MAPK8IP3: variants seen among roughly 807,000 people sequenced by gnomAD.
MAPK8IP3 encodes the protein mitogen-activated protein kinase 8 interacting protein 3.
Under a neutral mutation model 157.8 loss-of-function variants are expected in MAPK8IP3, and 49 were observed. The ratio of observed to expected loss-of-function variants is 0.31; its 90% confidence interval spans 0.25 to 0.39. MAPK8IP3 has a LOEUF of 0.39. MAPK8IP3 is among the 10% of genes least tolerant of loss of function. The probability of loss-of-function intolerance (pLI) is 1.00; values close to 1 mark genes in which losing one functional copy is unlikely to be tolerated. For missense variants in MAPK8IP3, 1,478 were observed against 1,889.4 expected (o/e 0.78, Z 4.04); for synonymous variants, 897 against 777.7 (o/e 1.15, Z -2.55).
chr16:1,743,183 G>C lies in MAPK8IP3; in HGVS notation c.603-149G>C. On this transcript the variant is annotated intron_variant, in intron 4 of 31. Transcript: ENST00000610761. The surrounding 1 kb of genome is among the most constrained non-coding windows in gnomAD (Gnocchi z 5.6). ...ATCATGGGAGGGGAAGCGCCACGTA[G>C]GATCATAACTGAGTAGCTGCTCGAG... is the stretch of plus-strand genomic sequence containing the variant. 9.8e-7 allele frequency: 1 copy of C among 1,016,048 alleles called. No individual in the cohort carries two copies. The allele number at this position is 1,016,048 out of a possible 1,614,324, so 62.9% of individuals were successfully genotyped here.
intron 7 of MAPK8IP3, 72 bp from the exon 8 acceptor site, chr16:1,748,528 AAG>A: frequency 7.7e-7 from 1 of 1,303,544 alleles, no homozygotes; most frequent in Non-Finnish European, 1.1e-6. Flanking sequence ...GAGGTGTTGG[AAG>A]AGTCTGCAGA....
At chr16:1,767,563 G>T, downstream of MAPK8IP3, 1 of 1,611,278 alleles carries the variant, frequency 6.2e-7, no homozygotes, top group Non-Finnish European at 8.5e-7. Context: ...TGACTCCACA[G>T]AAGTCATTTG....
intron 4 of MAPK8IP3, chr16:1,735,032 G>A (rs1408011490): frequency 3.9e-5 from 6 of 154,094 alleles, no homozygotes; most frequent in Middle Eastern, 1.3e-3. Context: ...TGAGACATTC[G>A]CGCAGTGCAC....
chr16:1,735,419 G>A (rs557059763), intron 4 of MAPK8IP3, among the ~76,000 whole-genome samples: 21 of 147,842 alleles, frequency 1.4e-4, no homozygotes, highest in South Asian at 4.4e-4. Flanking sequence ...GTGAGCGTCC[G>A]TGTGACCATC....
chr16:1,717,550 C>A (rs375801509), intron 1 of MAPK8IP3, among the ~76,000 whole-genome samples: 2 of 152,200 alleles, frequency 1.3e-5, no homozygotes, highest in African/African-American at 4.8e-5. Context: ...TCACTAGACT[C>A]GGTTAGATAG....
At position 1,747,193 on chromosome 16, in the gene MAPK8IP3, G is replaced by A; in HGVS notation, c.912G>A (p.Lys304=). The A allele has an allele frequency of 1.2e-6, 2 of 1,613,892 alleles. No individual in the cohort carries two copies. Among genetic ancestry groups the A allele is most frequent in the Non-Finnish European group, 1.7e-6 (2 of 1,180,018 alleles). Residue 304 remains lysine, a synonymous_variant, in exon 6 of 32, where the codon AAG becomes AAA. Coordinates refer to ENST00000610761, the MANE Select transcript of MAPK8IP3 (RefSeq NM_001318852.2). ...QPLGDYGVGS[K]NSKRAREKRD... ...TGGGGGACTATGGCGTGGGCTCCAAGAACAGCAAGCGTGCCCGGGAGAAGC... is the reference window on the plus strand; with the variant it reads ...TGGGGGACTATGGCGTGGGCTCCAAAAACAGCAAGCGTGCCCGGGAGAAGC...
chr16:1,739,182 G>A (rs2040401949), intron 4 of MAPK8IP3, among the ~76,000 whole-genome samples: 1 of 135,032 alleles, frequency 7.4e-6, no homozygotes, highest in Non-Finnish European at 1.6e-5. Context: ...ATCCATGTGA[G>A]CATCCGTGTG....
chr16:1,744,299 C>T, intron 5 of MAPK8IP3: 13 of 985,714 alleles, frequency 1.3e-5, no homozygotes, highest in Non-Finnish European at 1.6e-5. Context: ...GGCCTGTGGG[C>T]TGGGTTGGGC....
At chr16:1,762,554 C>T (rs2042013271) in intron 14 of MAPK8IP3, 73 bp downstream of exon 14, 1 of 1,591,204 alleles carries the variant, frequency 6.3e-7, no homozygotes, top group Non-Finnish European at 8.6e-7. Flanking sequence ...CCCTCCTCTG[C>T]ACCTCCCTGT....
intron 20 of MAPK8IP3, among the ~76,000 whole-genome samples, chr16:1,765,488 C>T (rs2087927888): frequency 6.6e-6 from 1 of 152,220 alleles, no homozygotes; most frequent in Admixed American, 6.5e-5. Flanking sequence ...AAAACATTTC[C>T]TCATGCTGAA....
At position 1,768,613 on chromosome 16, in the gene MAPK8IP3, C is replaced by A. The variant is rs1309334365; in HGVS notation, c.3879C>A (p.Ile1293=). 2 of 1,596,820 alleles carry A rather than the reference C, an allele frequency of 1.3e-6. No individual in the cohort carries two copies. Among genetic ancestry groups the A allele is most frequent in the African/African-American group, 2.7e-5 (2 of 74,854 alleles). ...VLVLSGGEGY[I]DFRIGDGEDD... The stretch of plus-strand genomic sequence containing the variant: ...TGCTGAGCGGCGGGGAGGGCTACAT[C>A]GACTTCCGCATTGGTGAGCGGGGCC... Residue 1293 remains isoleucine, a synonymous_variant, in exon 31 of 32, where the codon ATC becomes ATA. Coordinates refer to ENST00000610761, the MANE Select transcript of MAPK8IP3 (RefSeq NM_001318852.2).
rs1248742660 is a variant in MAPK8IP3, at chr16:1,767,611, G to A, written c.3285G>A (p.Leu1095=). Residue 1095 remains leucine (L), a synonymous_variant, in exon 27 of 32, where the codon CTG becomes CTA. Transcript: ENST00000610761. Reference sequence around the variant, plus strand: ...GGCGGGAGAGCCAGGTGCGGCAGCTGGCGTGGATCGGCGATGGCGTATGGG... The same window carrying A: ...GGCGGGAGAGCCAGGTGCGGCAGCTAGCGTGGATCGGCGATGGCGTATGGG... ...HPRRESQVRQ[L]AWIGDGVWVS... 6.2e-7 allele frequency: 1 copy of A among 1,612,550 alleles called. No homozygotes were observed.
In MAPK8IP3 at chr16:1,758,969, G is replaced by A; in HGVS notation, c.1229-9G>A. Reference sequence around the variant, plus strand: ...GCCCATCTCCTGTGGGACGGGGACGGCTCCCTAGTGCGCGATGATTTCTTT... The same window carrying A: ...GCCCATCTCCTGTGGGACGGGGACGACTCCCTAGTGCGCGATGATTTCTTT... On this transcript the variant is annotated splice_polypyrimidine_tract_variant and intron_variant, in intron 9 of 31. Coordinates refer to ENST00000610761, the MANE Select transcript of MAPK8IP3 (RefSeq NM_001318852.2). The A allele has an allele frequency of 6.2e-7, 1 of 1,614,154 alleles. No homozygotes were observed. The highest frequency in any genetic ancestry group is 8.5e-7 in the Non-Finnish European group (1 of 1,180,014).
At chr16:1,729,067 G>C in intron 2 of MAPK8IP3, 71 bp from the exon 3 acceptor site, 2 of 1,451,546 alleles carry the variant, frequency 1.4e-6, no homozygotes, top group Non-Finnish European at 1.9e-6. Flanking sequence ...CTCCCTCTGT[G>C]GTTACAACCC....
At chr16:1,716,499 G>A (rs911627053) in intron 1 of MAPK8IP3, among the ~76,000 whole-genome samples, 2 of 151,772 alleles carry the variant, frequency 1.3e-5, no homozygotes, top group Non-Finnish European at 2.9e-5. Context: ...GGTTTCACAC[G>A]TTGGTCAGGC....
intron 9 of MAPK8IP3, among the ~76,000 whole-genome samples, chr16:1,758,704 T>G (rs1322929404): frequency 6.6e-6 from 1 of 152,220 alleles, no homozygotes; most frequent in African/African-American, 2.4e-5. Flanking sequence ...GCCCAGAATT[T>G]GGGGTGAGAT....
chr16:1,755,037 G>A (rs1205537024), intron 8 of MAPK8IP3, among the ~76,000 whole-genome samples: 3 of 152,204 alleles, frequency 2.0e-5, no homozygotes, highest in Non-Finnish European at 4.4e-5. Flanking sequence ...AGTTGATCCA[G>A]TAGAGGAAAC....
At chr16:1,709,569 A>G (rs888014496) in intron 1 of MAPK8IP3, among the ~76,000 whole-genome samples, 14 of 152,390 alleles carry the variant, frequency 9.2e-5, no homozygotes, top group Admixed American at 2.6e-4. Context: ...CCTACCAGAC[A>G]GTGCAGTTTC....
Position 1,738,197 on chromosome 16 carries a change from ACCGT to A in MAPK8IP3, c.603-5130_603-5127del, listed in dbSNP as rs1467174338. Among the ~76,000 whole-genome samples, 6 of 70,036 alleles carry A rather than the reference ACCGT, an allele frequency of 8.6e-5. 1 individual carries two copies. The highest frequency in any genetic ancestry group is 1.7e-3 in the South Asian group (2 of 1,160). The allele number at this position is 70,036 out of a possible 152,430, so 45.9% of individuals were successfully genotyped here. On this transcript the variant is annotated intron_variant, in intron 4 of 31. Transcript: ENST00000610761. ...CCGTGTGAGCGTCCGTGAGCGTGTG[ACCGT>A]CCGTGTGTGTGACCATCCGTGTGAG...
Sources: gnomAD v4.1 joint callset for allele counts (sites outside exome capture counted in the v4.1 genomes callset) on GRCh38, gnomAD v4.1.1 for gene constraint, Gnocchi (gnomAD v3.1) non-coding constraint, MANE v1.5 for transcripts, NCBI Gene and HGNC (gene_info 2026-07-23, HGNC 2026-07-21) for gene names.